The following DIAPH3 variants were observed in gnomAD, a reference collection of about 807,000 sequenced individuals.
The protein encoded by DIAPH3 is diaphanous related formin 3.
DIAPH3 carries 117 observed loss-of-function variants against 144.3 expected under a neutral mutation model. The observed-to-expected ratio is 0.81, with a 90% confidence interval of 0.70 to 0.95. The LOEUF (loss-of-function observed/expected upper bound fraction) is 0.95. DIAPH3 is among the 40% of genes least tolerant of loss of function. The pLI is 0.00. For synonymous variants in DIAPH3, 519 were observed against 488.9 expected (o/e 1.06, Z -0.81); for missense variants, 1,421 against 1,412.7 (o/e 1.01, Z -0.09).
chr13:59,967,497 A>G (rs931730369), intron 17 of DIAPH3, among the ~76,000 whole-genome samples: 2 of 152,150 alleles, frequency 1.3e-5, no homozygotes, highest in African/African-American at 4.8e-5. Flanking sequence ...ATAAAAGACC[A>G]CAAGTAGACC....
intron 25 of DIAPH3, among the ~76,000 whole-genome samples, chr13:59,805,698 GAAAAC>G (rs2040154131): frequency 6.6e-6 from 1 of 151,760 alleles, no homozygotes; most frequent in Non-Finnish European, 1.5e-5. Flanking sequence ...AAAAAAATGA[GAAAAC>G]AAAAACGAAA....
intron 25 of DIAPH3, among the ~76,000 whole-genome samples, chr13:59,788,109 T>A (rs1463736614): frequency 2.0e-5 from 3 of 152,222 alleles, no homozygotes; most frequent in Middle Eastern, 6.3e-3. Context: ...TAAACCATGC[T>A]TTAGATGTGA....
At chr13:60,004,268 G>A (rs557531568) in intron 9 of DIAPH3, among the ~76,000 whole-genome samples, 3 of 152,160 alleles carry the variant, frequency 2.0e-5, no homozygotes, top group Admixed American at 2.0e-4. Context: ...AATAAAATGG[G>A]TACAAATAGT....
chr13:59,762,282 G>C (rs1027730111), intron 27 of DIAPH3, among the ~76,000 whole-genome samples: 2 of 151,870 alleles, frequency 1.3e-5, no homozygotes, highest in African/African-American at 4.8e-5. Flanking sequence ...GGATGGTCTC[G>C]ATCTCCTGAC....
At chr13:60,095,441 T>C (rs373340349) in intron 3 of DIAPH3, among the ~76,000 whole-genome samples, 6 of 152,058 alleles carry the variant, frequency 3.9e-5, no homozygotes, top group African/African-American at 9.6e-5. Context: ...GGTGGGTCAA[T>C]GTAAATTAAG....
At chr13:60,076,367 G>A (rs931621430) in intron 4 of DIAPH3, among the ~76,000 whole-genome samples, 2 of 152,110 alleles carry the variant, frequency 1.3e-5, no homozygotes, top group African/African-American at 4.8e-5. Flanking sequence ...TTAAATTACT[G>A]TGAACCTTAT....
intron 19 of DIAPH3, among the ~76,000 whole-genome samples, chr13:59,914,816 A>T (rs902175770): frequency 6.6e-6 from 1 of 152,206 alleles, no homozygotes; most frequent in Non-Finnish European, 1.5e-5. Flanking sequence ...CAATACTTTG[A>T]TGTTAGCATA....
At chr13:60,038,868 A>C (rs1272528346) in intron 5 of DIAPH3, among the ~76,000 whole-genome samples, 2 of 83,912 alleles carry the variant, frequency 2.4e-5, no homozygotes, top group Non-Finnish European at 5.0e-5. Flanking sequence ...AGTATGATCT[A>C]TAAATGCTGA....
At chr13:59,739,507 A>G (rs1208535780) in intron 27 of DIAPH3, among the ~76,000 whole-genome samples, 1 of 152,158 alleles carries the variant, frequency 6.6e-6, no homozygotes, top group African/African-American at 2.4e-5. Context: ...CAGAAGTACA[A>G]TGGTCACTGT....
chr13:60,060,413 G>A (rs2056719345), intron 4 of DIAPH3, among the ~76,000 whole-genome samples: 1 of 152,038 alleles, frequency 6.6e-6, no homozygotes, highest in Non-Finnish European at 1.5e-5. Flanking sequence ...GAAAATGCCT[G>A]CATTGTTGTC....
intron 27 of DIAPH3, among the ~76,000 whole-genome samples, chr13:59,758,539 T>C (rs1037310079): frequency 6.6e-6 from 1 of 152,216 alleles, no homozygotes; most frequent in Non-Finnish European, 1.5e-5. Flanking sequence ...TGTTTCTTGA[T>C]CTGGTTATAC....
chr13:59,669,683 C>T (rs1031702749), intron 27 of DIAPH3, among the ~76,000 whole-genome samples: 2 of 152,114 alleles, frequency 1.3e-5, no homozygotes. Flanking sequence ...GGTGCTCATT[C>T]CCCTCAGCAG....
intron 1 of DIAPH3, among the ~76,000 whole-genome samples, chr13:60,149,089 A>G (rs890501299): frequency 6.6e-6 from 1 of 152,242 alleles, no homozygotes; most frequent in African/African-American, 2.4e-5. Flanking sequence ...AGTTGAGGAA[A>G]GGGGTTGTTT....
intron 27 of DIAPH3, among the ~76,000 whole-genome samples, chr13:59,721,129 G>T (rs553794224): frequency 1.9e-4 from 29 of 152,140 alleles, no homozygotes; most frequent in African/African-American, 6.7e-4. Flanking sequence ...TTGATTTATA[G>T]TTTACATATA....
intron 23 of DIAPH3, among the ~76,000 whole-genome samples, chr13:59,835,799 C>T (rs2042016757): frequency 2.0e-5 from 3 of 151,778 alleles, no homozygotes; most frequent in East Asian, 1.9e-4. Context: ...ACTTCCTAGT[C>T]GCCACAGTTC....
rs17057452 is a variant in DIAPH3, at chr13:59,898,363, T to C, written c.2367+13372A>G. On this transcript the variant is annotated intron_variant, in intron 20 of 27. Transcript: ENST00000400324. ...ACTCATACAACGTTTCATAACTAGA[T>C]GTGGTAAATTCAGAATTCAAACCCA... Among the ~76,000 whole-genome samples the C allele has an allele frequency of 6.7e-3, 1,018 of 152,150 alleles. 62 individuals are homozygous for C. The East Asian group carries it at 0.16, about 24-fold the overall frequency.
At position 59,971,125 on chromosome 13, in the gene DIAPH3, C is replaced by T; in HGVS notation, c.1686G>A (p.Leu562=). 6.3e-7 allele frequency: 1 copy of T among 1,598,902 alleles called. No individual in the cohort carries two copies. The highest frequency in any genetic ancestry group is 8.5e-7 in the Non-Finnish European group (1 of 1,172,094). The change falls in exon 16 of 28, where the codon TTG becomes TTA. Residue 562 remains leucine (L), a synonymous_variant. Transcript: ENST00000400324. ...CAGTTCCACCTTCTTTAGAGGGAGG[C>T]AAAGGAATATTACAATCAGCTGGCA... ...GALPADCNIP[L]PPSKEGGTGH... is the part of the protein sequence containing the mutation.
chr13:60,060,579 G>A (rs2056729606), intron 4 of DIAPH3, among the ~76,000 whole-genome samples: 1 of 152,080 alleles, frequency 6.6e-6, no homozygotes. Flanking sequence ...AGCAACTAAA[G>A]TCCAACCAAA....
chr13:59,720,124 G>A (rs1308723561), intron 27 of DIAPH3, among the ~76,000 whole-genome samples: 7 of 152,010 alleles, frequency 4.6e-5, no homozygotes, highest in Admixed American at 2.0e-4. Context: ...AGGCTATACC[G>A]TAACACGATT....
Sources: gnomAD v4.1 joint callset for allele counts (sites outside exome capture counted in the v4.1 genomes callset) on GRCh38, gnomAD v4.1.1 for gene constraint, MANE v1.5 for transcripts, NCBI Gene and HGNC (gene_info 2026-07-23, HGNC 2026-07-21) for gene names.